Variants in COG7 observed in about 807,000 individuals in gnomAD.
COG7 encodes conserved oligomeric Golgi complex subunit 7.
In COG7, 49 loss-of-function variants were observed where a neutral mutation model predicts 91.5. The observed-to-expected ratio is 0.54, with a 90% CI of 0.43 to 0.68. The LOEUF (loss-of-function observed/expected upper bound fraction) is 0.68, where lower values mean the gene tolerates loss of function less well. Ranked by LOEUF, COG7 falls within the 30% of genes least tolerant of loss-of-function variation. The pLI, the probability that COG7 is intolerant of heterozygous loss-of-function variation, is 0.00. For missense variants in COG7, 895 were observed against 961.3 expected, an observed-to-expected ratio of 0.93 and a Z score of 0.91; for synonymous variants, 365 against 388.7, an observed-to-expected ratio of 0.94 and a Z score of 0.72.
At chr16:23,423,602 A>G (rs917964538) in intron 7 of COG7, among the ~76,000 whole-genome samples, 2 of 152,186 alleles carry the variant, frequency 1.3e-5, no homozygotes, top group African/African-American at 2.4e-5. Flanking sequence ...CTGACCTGTG[A>G]GCATGCCAAA....
At chr16:23,397,270 A>G (rs30018) in intron 14 of COG7, among the ~76,000 whole-genome samples, 31,982 of 152,164 alleles carry the variant, frequency 0.21, 3,570 homozygotes, top group East Asian at 0.29. Flanking sequence ...CAACTTACAC[A>G]TAGGGGTTGG....
chr16:23,448,545 C>G (rs1000057384), intron 1 of COG7, among the ~76,000 whole-genome samples: 3 of 152,238 alleles, frequency 2.0e-5, no homozygotes, highest in Admixed American at 6.5e-5. Context: ...CTCCTGGCCT[C>G]GAGCAATCCT....
chr16:23,450,716 C>T (rs1964252112), intron 1 of COG7, among the ~76,000 whole-genome samples: 1 of 151,844 alleles, frequency 6.6e-6, no homozygotes, highest in Non-Finnish European at 1.5e-5. Flanking sequence ...CCTGTGGTCC[C>T]AGTTATTCAG....
rs749604038 is a variant in COG7 at position 23,406,278 on chromosome 16, T to C, written c.1476-16A>G. On this transcript the variant is annotated splice_polypyrimidine_tract_variant and intron_variant, in intron 11 of 16. Transcript: ENST00000307149. Reference sequence around the variant, plus strand: ...GGACAAAATCCTGTAATGAAAGGAATGACCATTATGCCCTGAGCTATTTGC... The same window carrying C: ...GGACAAAATCCTGTAATGAAAGGAACGACCATTATGCCCTGAGCTATTTGC... 6.2e-7 allele frequency: 1 copy of C among 1,607,194 alleles called. No individual in the cohort carries two copies. The highest frequency in any genetic ancestry group is 8.5e-7 in the Non-Finnish European group (1 of 1,173,976).
rs1017858181 is a variant in COG7 at position 23,432,887 on chromosome 16, C to T, written c.810+658G>A. On this transcript the variant is annotated intron_variant, in intron 6 of 16. Transcript: ENST00000307149. Reference sequence around the variant, plus strand: ...TCCTGTTCATTCGAACACCACCTGACGAGGGGCCTCCTGCTTTTAGATGGG... The same window carrying T: ...TCCTGTTCATTCGAACACCACCTGATGAGGGGCCTCCTGCTTTTAGATGGG... Among the ~76,000 whole-genome samples, 4 of 152,092 alleles carry T rather than the reference C, an allele frequency of 2.6e-5. No individual in the cohort carries two copies. In the South Asian group the frequency reaches 6.2e-4, roughly 24 times the overall value.
chr16:23,392,410 G>A lies in COG7; in HGVS notation c.2116C>T (p.His706Tyr). Residue 706 changes from histidine to tyrosine, a missense_variant, in exon 16 of 17, where the codon CAC (histidine) becomes TAC (tyrosine). Physicochemically the swap from His to Tyr is moderately conservative, Grantham distance 83 (BLOSUM62 2). Coordinates refer to ENST00000307149, the MANE Select transcript of COG7 (RefSeq NM_153603.4). The part of the protein sequence containing the change: ...AILQIPELSP[H>Y]SAKQLATDID... ...TCAGTGGCCAGCTGCTTGGCAGAGT[G>A]TGGGCTCAGCTCAGGGATCTGTAGG... The A allele has an allele frequency of 6.2e-7, 1 of 1,614,228 alleles. No individual in the cohort carries two copies. Among genetic ancestry groups the A allele is most frequent in the Non-Finnish European group, 8.5e-7 (1 of 1,180,050 alleles).
intron 7 of COG7, 101 bp downstream of exon 7, chr16:23,424,648 G>T: frequency 8.0e-7 from 1 of 1,243,982 alleles, no homozygotes; most frequent in Non-Finnish European, 1.2e-6. Flanking sequence ...TTCCATTTCT[G>T]TAAAATCAGT....
At chr16:23,389,212 G>A (rs1963147688) in intron 16 of COG7, 126 bp from the exon 17 acceptor site, 8 of 1,099,974 alleles carry the variant, frequency 7.3e-6, no homozygotes, top group African/African-American at 6.2e-5. Flanking sequence ...GATGTGGGGC[G>A]CCAACCCTGC....
intron 4 of COG7, among the ~76,000 whole-genome samples, chr16:23,437,944 G>C (rs1394514764): frequency 1.3e-5 from 2 of 152,016 alleles, no homozygotes; most frequent in Admixed American, 1.3e-4. Context: ...AATTAGCTGG[G>C]TGTGGTGGCA....
At chr16:23,418,885 G>T (rs1227349516) in intron 7 of COG7, 58 bp from the exon 8 acceptor site, 1 of 1,547,872 alleles carries the variant, frequency 6.5e-7, no homozygotes. Flanking sequence ...ATTAACTGTG[G>T]GAAAGCAACA....
rs753044713 is a variant in COG7 at position 23,398,061 on chromosome 16, G to A, written c.1872C>T (p.Leu624=). 2.5e-5 allele frequency: 40 copies of A among 1,613,974 alleles called. No individual in the cohort carries two copies. The highest frequency in any genetic ancestry group is 4.4e-5 in the South Asian group (4 of 91,076). Residue 624 remains leucine (L), a synonymous_variant, in exon 14 of 17, where the codon CTC becomes CTT. Coordinates refer to ENST00000307149, the MANE Select transcript of COG7 (RefSeq NM_153603.4). ...DELPAFSLTP[L]EYISNIGQYI... is the part of the protein sequence containing the mutation. ...AAGCTCTTACGTTGCTGATGTACTC[G>A]AGAGGGGTGAGACTAAAGGCGGGCA... is the stretch of plus-strand genomic sequence containing the variant.
rs1437917883 is a variant in COG7 at position 23,394,015 on chromosome 16, C to A, written c.1888-668G>T. Among the ~76,000 whole-genome samples the A allele has an allele frequency of 2.7e-5, 4 of 150,510 alleles. No individual in the cohort carries two copies. The East Asian group carries it at 5.8e-4, about 22-fold the overall frequency. ...CCAAGATCATGCCATTGCACTGCAG[C>A]CTGGGCAGACTCTGTCTCAAAAAAA... is the stretch of plus-strand genomic sequence containing the variant. On this transcript the variant is annotated intron_variant, in intron 14 of 16. Coordinates refer to ENST00000307149, the MANE Select transcript of COG7 (RefSeq NM_153603.4).
chr16:23,453,076 G>T lies in COG7; in HGVS notation c.-82C>A. ...CGGGGATGCAGAAGCGAGCGAGCCT[G>T]CGAGAGCACCGAGGCTAGCCTCCGA... On this transcript the variant is annotated 5_prime_UTR_variant, in exon 1 of 17. Transcript: ENST00000307149. 1 of 1,596,058 alleles carries T rather than the reference G, an allele frequency of 6.3e-7. No individual in the cohort carries two copies. The highest frequency in any genetic ancestry group is 8.5e-7 in the Non-Finnish European group (1 of 1,170,628).
chr16:23,417,203 A>C, intron 8 of COG7, 82 bp from the exon 9 acceptor site: 36 of 1,419,868 alleles, frequency 2.5e-5, no homozygotes, highest in Non-Finnish European at 3.3e-5. Flanking sequence ...AAGCCTTCTC[A>C]TCTGTAGTAA....
chr16:23,445,084 C>T lies in COG7; in HGVS notation c.399G>A (p.Thr133=), dbSNP rs544517337. The stretch of plus-strand genomic sequence containing the variant: ...ATGTCTCCTCAATATCGGCGCTCAA[C>T]GTGCTCCACTTATCTGCTTCCTGAA... The part of the protein sequence containing the change: ...ESLQEADKWS[T]LSADIEETFK... The change falls in exon 3 of 17, where the codon ACG becomes ACA. Residue 133 remains threonine (T), a synonymous_variant. Coordinates refer to ENST00000307149, the MANE Select transcript of COG7 (RefSeq NM_153603.4). 2.6e-5 allele frequency: 42 copies of T among 1,614,070 alleles called. No homozygotes were observed. The highest frequency in any genetic ancestry group is 8.0e-5 in the African/African-American group (6 of 75,028).
chr16:23,408,341 C>T (rs1291613939), intron 11 of COG7, among the ~76,000 whole-genome samples: 3 of 20,402 alleles, frequency 1.5e-4, no homozygotes, highest in Non-Finnish European at 2.4e-4. Context: ...GCGAGTGGGG[C>T]GGGAGGTAGG....
intron 8 of COG7, chr16:23,417,431 G>A (rs774717373): frequency 1.2e-5 from 5 of 405,048 alleles, no homozygotes; most frequent in South Asian, 6.5e-5. Context: ...TCTGGCTCTC[G>A]AGCTACGATT....
At chr16:23,406,696 G>C (rs916281342) in intron 11 of COG7, among the ~76,000 whole-genome samples, 5 of 152,344 alleles carry the variant, frequency 3.3e-5, no homozygotes, top group Middle Eastern at 6.8e-3. Context: ...CTGGCTCCTA[G>C]AGAACAGTGA....
At chr16:23,399,546 ACCCC>A (rs756490536) in intron 13 of COG7, among the ~76,000 whole-genome samples, 3 of 150,438 alleles carry the variant, frequency 2.0e-5, no homozygotes, top group Non-Finnish European at 4.4e-5. Flanking sequence ...CACCCTGTAC[ACCCC>A]CACACCTCCT....
Sources: allele counts gnomAD v4.1 joint callset (sites outside exome capture counted in the v4.1 genomes callset), GRCh38; gene constraint gnomAD v4.1.1; transcripts MANE v1.5; gene names NCBI Gene and HGNC (gene_info 2026-07-23, HGNC 2026-07-21).